Variants in BTBD9 observed in about 807,000 individuals in gnomAD.
BTBD9 encodes the protein BTB/POZ domain-containing protein 9.
In BTBD9, 49 loss-of-function variants were observed where a neutral mutation model predicts 64.3. The observed-to-expected ratio is 0.76, with a 90% confidence interval of 0.61 to 0.97. BTBD9 has a LOEUF of 0.97. BTBD9 is among the 50% of genes least tolerant of loss of function. The pLI is 0.00. For synonymous variants in BTBD9, 260 were observed against 274.7 expected (o/e 0.95, Z 0.53); for missense variants, 598 against 762.1 (o/e 0.78, Z 2.53).
chr6:38,564,127 T>A (rs549318267), intron 6 of BTBD9, among the ~76,000 whole-genome samples: 19 of 152,276 alleles, frequency 1.2e-4, no homozygotes, highest in South Asian at 4.1e-4. Context: ...AAAGATCTCT[T>A]CCCTGAAGGA....
At chr6:38,601,351 T>C (rs1448541086) in intron 1 of BTBD9, among the ~76,000 whole-genome samples, 1 of 152,224 alleles carries the variant, frequency 6.6e-6, no homozygotes, top group Non-Finnish European at 1.5e-5. Flanking sequence ...AAAATGAGTA[T>C]TGTTTCACCA....
intron 9 of BTBD9, among the ~76,000 whole-genome samples, chr6:38,241,644 C>T (rs1253560498): frequency 2.0e-5 from 3 of 152,172 alleles, no homozygotes; most frequent in South Asian, 2.1e-4. Context: ...TACTTTAGAA[C>T]TTTGTAAGAA....
At chr6:38,600,347 C>T (rs565979757) in intron 1 of BTBD9, among the ~76,000 whole-genome samples, 1 of 152,322 alleles carries the variant, frequency 6.6e-6, no homozygotes, top group East Asian at 1.9e-4. Context: ...AGTTTGCTAG[C>T]CCCTGGCCTA....
intron 6 of BTBD9, among the ~76,000 whole-genome samples, chr6:38,526,510 A>G (rs1773503421): frequency 2.0e-5 from 3 of 152,188 alleles, no homozygotes; most frequent in Admixed American, 2.0e-4. Flanking sequence ...AGCTTTAAGA[A>G]GAGGGCCACT....
chr6:38,466,750 G>A (rs1770414389), intron 6 of BTBD9, among the ~76,000 whole-genome samples: 1 of 151,660 alleles, frequency 6.6e-6, no homozygotes, highest in Admixed American at 6.6e-5. Context: ...GCTGATTTTT[G>A]TATTTTTAGT....
intron 6 of BTBD9, among the ~76,000 whole-genome samples, chr6:38,398,634 T>G (rs1040267853): frequency 6.6e-6 from 1 of 152,106 alleles, no homozygotes; most frequent in Non-Finnish European, 1.5e-5. Flanking sequence ...CCTCCCTTCA[T>G]AGGCACACAG....
chr6:38,624,794 T>C (rs1421571049), intron 1 of BTBD9, among the ~76,000 whole-genome samples: 2 of 152,162 alleles, frequency 1.3e-5, no homozygotes, highest in African/African-American at 4.8e-5. Flanking sequence ...ATTTTCATCA[T>C]GTCCTATGAG....
chr6:38,277,831 TAAAC>T (rs1417739056), intron 8 of BTBD9, among the ~76,000 whole-genome samples: 1 of 152,138 alleles, frequency 6.6e-6, no homozygotes, highest in Non-Finnish European at 1.5e-5. Flanking sequence ...TTTTAAAAAA[TAAAC>T]AGAACACATG....
intron 6 of BTBD9, among the ~76,000 whole-genome samples, chr6:38,418,849 C>G (rs1221582385): frequency 6.6e-6 from 1 of 152,116 alleles, no homozygotes; most frequent in African/African-American, 2.4e-5. Context: ...GTGGCGCGTG[C>G]CTATAGTCCC....
intron 6 of BTBD9, among the ~76,000 whole-genome samples, chr6:38,388,006 C>G (rs1014651117): frequency 2.0e-5 from 3 of 152,076 alleles, no homozygotes; most frequent in South Asian, 2.1e-4. Flanking sequence ...TCTCAGATAC[C>G]CTTTCTAATC....
chr6:38,592,809 G>C lies in BTBD9; in HGVS notation c.581C>G (p.Ser194Ter), dbSNP rs1342388930. Residue 194 changes from serine (S) to a stop codon, truncating the protein, a stop_gained, in exon 4 of 11, where the codon TCA becomes TGA. Coordinates refer to ENST00000481247, the MANE Select transcript of BTBD9 (RefSeq NM_001099272.2). LOFTEE classifies it high-confidence loss of function. ...TALLNIVLRDSFAAPEKDIFL... is the reference protein window; with the variant it reads ...TALLNIVLRD ...AATATCTTTTTCGGGAGCTGCAAAT[G>C]AGTCTCTTAACACGATGTTTAAAAG... 1 of 1,614,052 alleles carries C rather than the reference G, an allele frequency of 6.2e-7. No individual in the cohort carries two copies. The highest frequency in any genetic ancestry group is 2.2e-5 in the East Asian group (1 of 44,896).
intron 1 of BTBD9, among the ~76,000 whole-genome samples, chr6:38,624,673 C>T (rs955609449): frequency 2.5e-4 from 37 of 149,008 alleles, no homozygotes; most frequent in African/African-American, 9.3e-4. Context: ...AAAATCCTAC[C>T]CCCCATCCAG....
chr6:38,353,360 G>C (rs183644269), intron 6 of BTBD9, among the ~76,000 whole-genome samples: 3 of 151,692 alleles, frequency 2.0e-5, no homozygotes, highest in Admixed American at 2.0e-4. Flanking sequence ...GAGAGAAAAT[G>C]AGATGTGGAG....
intron 9 of BTBD9, among the ~76,000 whole-genome samples, chr6:38,204,703 T>C (rs1444256980): frequency 6.6e-6 from 1 of 152,120 alleles, no homozygotes; most frequent in Non-Finnish European, 1.5e-5. Context: ...GTATGGTATA[T>C]GAATTGTATC....
chr6:38,311,225 C>CTTA (rs1387572887), intron 7 of BTBD9, among the ~76,000 whole-genome samples: 2 of 150,732 alleles, frequency 1.3e-5, no homozygotes, highest in Non-Finnish European at 2.9e-5. Flanking sequence ...ATCTATTAAC[C>CTTA]ATCCCCACTT....
intron 6 of BTBD9, among the ~76,000 whole-genome samples, chr6:38,370,702 G>A (rs1243122168): frequency 6.6e-6 from 1 of 152,130 alleles, no homozygotes; most frequent in Non-Finnish European, 1.5e-5. Flanking sequence ...GTATTTTATA[G>A]GAAATAATAA....
At chr6:38,420,187 C>T (rs1299221158) in intron 6 of BTBD9, among the ~76,000 whole-genome samples, 6 of 152,160 alleles carry the variant, frequency 3.9e-5, no homozygotes, top group South Asian at 2.1e-4. Flanking sequence ...AAAATGAACA[C>T]TATTCTGCAT....
chr6:38,292,506 G>A (rs1405293218), intron 7 of BTBD9, among the ~76,000 whole-genome samples: 1 of 152,080 alleles, frequency 6.6e-6, no homozygotes, highest in Non-Finnish European at 1.5e-5. Context: ...TTTGTTATTG[G>A]TCTATTCAGG....
chr6:38,382,549 A>G (rs71571318), intron 6 of BTBD9, among the ~76,000 whole-genome samples: 2 of 151,696 alleles, frequency 1.3e-5, no homozygotes, highest in Admixed American at 6.6e-5. Context: ...AAAAAAAACA[A>G]CAGCAGTAGA....
Sources: gnomAD v4.1 joint callset for allele counts (sites outside exome capture counted in the v4.1 genomes callset) on GRCh38, gnomAD v4.1.1 for gene constraint, MANE v1.5 for transcripts, NCBI Gene and HGNC (gene_info 2026-07-23, HGNC 2026-07-21) for gene names.